The following PPP1R12B variants were observed in gnomAD, a reference collection of about 807,000 sequenced individuals.
The protein encoded by PPP1R12B is myosin phosphatase target subunit 2.
PPP1R12B carries 76 observed loss-of-function variants against 126.1 expected under a neutral mutation model. That is an observed-to-expected ratio of 0.60 (90% CI 0.50 to 0.73). PPP1R12B has a LOEUF of 0.73. PPP1R12B is among the 30% of genes least tolerant of loss of function. The pLI is 0.00. For synonymous variants in PPP1R12B, 356 were observed against 434.7 expected (o/e 0.82, Z 2.25); for missense variants, 1,052 against 1,205.1 (o/e 0.87, Z 1.88).
intron 1 of PPP1R12B, among the ~76,000 whole-genome samples, chr1:202,410,861 G>C (rs148217228): frequency 6.6e-6 from 1 of 152,082 alleles, no homozygotes; most frequent in Non-Finnish European, 1.5e-5. Context: ...AGTAAAATTC[G>C]ATGTGTCTTC....
At position 202,483,428 on chromosome 1, in the gene PPP1R12B, C is replaced by T. The variant is rs374365453; in HGVS notation, c.1851-5105C>T. Among the ~76,000 whole-genome samples the T allele has an allele frequency of 1.1e-4, 16 of 151,884 alleles. No homozygotes were observed. In the East Asian group the frequency reaches 2.5e-3, roughly 24 times the overall value. ...TATGGAAGAGCTTCTAAGAGAAGCCCAAAAAGTATATGTAAAAAGAGAGAA... is the reference window on the plus strand; with the variant it reads ...TATGGAAGAGCTTCTAAGAGAAGCCTAAAAAGTATATGTAAAAAGAGAGAA... On this transcript the variant is annotated intron_variant, in intron 13 of 23. Transcript: ENST00000608999.
At chr1:202,486,230 T>G (rs1342073221) in intron 13 of PPP1R12B, among the ~76,000 whole-genome samples, 4 of 151,996 alleles carry the variant, frequency 2.6e-5, no homozygotes, top group Non-Finnish European at 4.4e-5. Context: ...ATTTTTAAAT[T>G]TTAATTTCTA....
At chr1:202,362,820 A>G (rs1658460824) in intron 1 of PPP1R12B, among the ~76,000 whole-genome samples, 1 of 151,936 alleles carries the variant, frequency 6.6e-6, no homozygotes, top group Admixed American at 6.6e-5. Context: ...TGTAGTTTGA[A>G]TGTTTATTTA....
rs745722711 is a variant in PPP1R12B at position 202,427,170 on chromosome 1, A to C, written c.832A>C (p.Ile278Leu). The C allele has an allele frequency of 1.1e-5, 17 of 1,613,934 alleles. No individual in the cohort carries two copies. Among genetic ancestry groups the C allele is most frequent in the African/African-American group, 2.7e-5 (2 of 74,930 alleles). ...GGCAGAAGCACTTTGTGACATGGAT[A>C]TTCGAAATAAACTGGTTAGTGAGCC... ...ILAEALCDMD[I>L]RNKLGQTPFD... The change falls in exon 5 of 24, where the codon ATT (isoleucine) becomes CTT (leucine). Residue 278 changes from isoleucine to leucine, a missense_variant. Physicochemically the swap from Ile to Leu is conservative, Grantham distance 5. Transcript: ENST00000608999.
rs1162861492 is a variant in PPP1R12B, at chr1:202,585,699, C to T, written c.*5139C>T. ...AGCACATCAAGGTTGACTTCTCATCCTTTTTGGGAAGTGAATTTAATATTG... is the reference window on the plus strand; with the variant it reads ...AGCACATCAAGGTTGACTTCTCATCTTTTTTGGGAAGTGAATTTAATATTG... On this transcript the variant is annotated 3_prime_UTR_variant, in exon 24 of 24. Coordinates refer to ENST00000608999, the MANE Select transcript of PPP1R12B (RefSeq NM_002481.4). 1 of 152,146 alleles carries T rather than the reference C, an allele frequency of 6.6e-6. No individual in the cohort carries two copies. Among genetic ancestry groups the T allele is most frequent in the Non-Finnish European group, 1.5e-5 (1 of 68,024 alleles). The allele number at this position is 152,146 out of a possible 1,614,324, so 9.4% of individuals were successfully genotyped here. A position where few individuals can be genotyped will look rare whatever the true frequency, so the allele number is the denominator to read the frequency against.
In PPP1R12B at chr1:202,380,051, A is replaced by G. The variant is rs533470466; in HGVS notation, c.291+30909A>G. ...CAGTTTTTTTCCCTACCATTCCTCAACCTCATTCACATACCTTCTCATTTG... is the reference window on the plus strand; with the variant it reads ...CAGTTTTTTTCCCTACCATTCCTCAGCCTCATTCACATACCTTCTCATTTG... On this transcript the variant is annotated intron_variant, in intron 1 of 23. Transcript: ENST00000608999. Among the ~76,000 whole-genome samples, 4 of 152,138 alleles carry G rather than the reference A, an allele frequency of 2.6e-5. No individual in the cohort carries two copies. In the East Asian group the frequency reaches 7.7e-4, roughly 29 times the overall value.
At chr1:202,417,444 T>C in intron 2 of PPP1R12B, 2 of 979,836 alleles carry the variant, frequency 2.0e-6, no homozygotes, top group Admixed American at 6.1e-5. Flanking sequence ...TGAATGGGAA[T>C]ATTTAATAAG....
At chr1:202,429,699 G>C (rs553062562) in intron 6 of PPP1R12B, among the ~76,000 whole-genome samples, 5 of 152,160 alleles carry the variant, frequency 3.3e-5, no homozygotes, top group Admixed American at 2.0e-4. Flanking sequence ...GGACATTAGG[G>C]GCCAAAAAAA....
chr1:202,523,635 C>A (rs768955476), intron 18 of PPP1R12B, among the ~76,000 whole-genome samples: 6 of 152,206 alleles, frequency 3.9e-5, no homozygotes, highest in Non-Finnish European at 8.8e-5. Flanking sequence ...ATTTACTATG[C>A]ACAAAATGAG....
intron 9 of PPP1R12B, among the ~76,000 whole-genome samples, chr1:202,436,220 T>G (rs1184719474): frequency 6.6e-6 from 1 of 152,086 alleles, no homozygotes; most frequent in Non-Finnish European, 1.5e-5. Context: ...GAGCTGTGAT[T>G]GCACCATTGC....
chr1:202,563,038 A>G, intron 20 of PPP1R12B, 116 bp downstream of exon 20: 1 of 1,189,622 alleles, frequency 8.4e-7, no homozygotes, highest in Non-Finnish European at 1.1e-6. Context: ...AAGGCACTTA[A>G]GTAATAATAA....
chr1:202,566,330 A>G (rs998357001), intron 21 of PPP1R12B, among the ~76,000 whole-genome samples: 3 of 152,224 alleles, frequency 2.0e-5, no homozygotes, highest in African/African-American at 4.8e-5. Context: ...AGTTTTGCCA[A>G]ATACAAGTTA....
intron 18 of PPP1R12B, among the ~76,000 whole-genome samples, chr1:202,526,023 T>A (rs1352234303): frequency 1.3e-5 from 2 of 152,166 alleles, no homozygotes; most frequent in African/African-American, 4.8e-5. Context: ...AGCTACATGT[T>A]TGCTTGTGAG....
intron 18 of PPP1R12B, among the ~76,000 whole-genome samples, chr1:202,547,362 G>A (rs1685754940): frequency 6.6e-6 from 1 of 152,158 alleles, no homozygotes; most frequent in African/African-American, 2.4e-5. Flanking sequence ...CATGCAGTGA[G>A]TGATGGTTAT....
At chr1:202,558,289 A>T (rs1438450809) in intron 18 of PPP1R12B, among the ~76,000 whole-genome samples, 1 of 151,728 alleles carries the variant, frequency 6.6e-6, no homozygotes, top group African/African-American at 2.4e-5. Flanking sequence ...GAGACCTCAG[A>T]GTACCTACTT....
chr1:202,386,409 G>T (rs1663145636), intron 1 of PPP1R12B, among the ~76,000 whole-genome samples: 1 of 151,860 alleles, frequency 6.6e-6, no homozygotes, highest in South Asian at 2.1e-4. Flanking sequence ...TTGGCTCACT[G>T]CAGCCTCCGC....
chr1:202,584,090 G>A lies in PPP1R12B; in HGVS notation c.*3530G>A, dbSNP rs1402920099. 1 of 152,094 alleles carries A rather than the reference G, an allele frequency of 6.6e-6. No individual in the cohort carries two copies. Among genetic ancestry groups the A allele is most frequent in the African/African-American group, 2.4e-5 (1 of 41,382 alleles). The allele number at this position is 152,094 out of a possible 1,614,324, so 9.4% of individuals were successfully genotyped here. A position where few individuals can be genotyped will look rare whatever the true frequency, so the allele number is the denominator to read the frequency against. ...AGCGAAAGGGTTATGCAAATCTCAGGGTGTTGCCTCTAAAGAATCTAAAGA... is the reference window on the plus strand; with the variant it reads ...AGCGAAAGGGTTATGCAAATCTCAGAGTGTTGCCTCTAAAGAATCTAAAGA... On this transcript the variant is annotated 3_prime_UTR_variant, in exon 24 of 24. Coordinates refer to ENST00000608999, the MANE Select transcript of PPP1R12B (RefSeq NM_002481.4).
intron 1 of PPP1R12B, chr1:202,370,202 TC>T: frequency 5.5e-6 from 1 of 183,234 alleles, no homozygotes; most frequent in Non-Finnish European, 1.1e-5. Context: ...AAGCCGGACA[TC>T]CCACTCTTTC....
rs1689697093 is a variant in PPP1R12B at position 202,584,249 on chromosome 1, T to A, written c.*3689T>A. 6.6e-6 allele frequency: 1 copy of A among 152,240 alleles called. No homozygotes were observed. The highest frequency in any genetic ancestry group is 1.5e-5 in the Non-Finnish European group (1 of 68,050). 9.4% of individuals were successfully genotyped at this position (152,240 alleles called of 1,614,324 possible). On this transcript the variant is annotated 3_prime_UTR_variant, in exon 24 of 24. Coordinates refer to ENST00000608999, the MANE Select transcript of PPP1R12B (RefSeq NM_002481.4). ...TCTTCTGGGCTTCCCCTGGTTTCTG[T>A]CCTAGTTCCCACCCCAAGTTTAAGA...
Sources: allele counts gnomAD v4.1 joint callset (sites outside exome capture counted in the v4.1 genomes callset), GRCh38; gene constraint gnomAD v4.1.1; transcripts MANE v1.5; gene names NCBI Gene and HGNC (gene_info 2026-07-23, HGNC 2026-07-21).